Variants in TOX3 observed in about 807,000 individuals in gnomAD.
TOX3 encodes the protein TOX high mobility group box family member 3.
A neutral mutation model predicts 64.3 loss-of-function variants in TOX3; 22 were observed. The ratio of observed to expected loss-of-function variants is 0.34; its 90% CI spans 0.24 to 0.49. TOX3 has a LOEUF of 0.49. Ranked by LOEUF, TOX3 falls within the 20% of genes least tolerant of loss-of-function variation. The pLI is 0.99. For missense variants in TOX3, 661 were observed against 714.4 expected (o/e 0.93, Z 0.85); for synonymous variants, 291 against 273.6 (o/e 1.06, Z -0.63).
At chr16:52,531,957 T>C (rs1470167608) in intron 1 of TOX3, among the ~76,000 whole-genome samples, 1 of 152,136 alleles carries the variant, frequency 6.6e-6, no homozygotes, top group Non-Finnish European at 1.5e-5. Flanking sequence ...AAATTAATTT[T>C]GAAGTTTTGC....
chr16:52,447,855 G>T (rs1003744390), intron 4 of TOX3, among the ~76,000 whole-genome samples: 5 of 152,062 alleles, frequency 3.3e-5, no homozygotes, highest in Non-Finnish European at 7.4e-5. Flanking sequence ...TATTTTTCTA[G>T]TTGAGTCAAA....
intron 1 of TOX3, among the ~76,000 whole-genome samples, chr16:52,479,353 T>G (rs1367566598): frequency 6.6e-6 from 1 of 152,212 alleles, no homozygotes; most frequent in African/African-American, 2.4e-5. Flanking sequence ...GTATACACTG[T>G]GCTTAGGGGA....
At chr16:52,487,017 T>G (rs944986082) in intron 1 of TOX3, among the ~76,000 whole-genome samples, 2 of 152,016 alleles carry the variant, frequency 1.3e-5, no homozygotes, top group African/African-American at 4.8e-5. Context: ...AGGGGAAAAA[T>G]AATAAGCATT....
At chr16:52,479,100 G>A (rs1961297966) in intron 1 of TOX3, among the ~76,000 whole-genome samples, 1 of 152,216 alleles carries the variant, frequency 6.6e-6, no homozygotes, top group South Asian at 2.1e-4. Flanking sequence ...ACTACGTGGA[G>A]GAGGTATTTG....
chr16:52,464,038 A>T lies in TOX3; in HGVS notation c.304T>A (p.Phe102Ile). 1 of 1,602,444 alleles carries T rather than the reference A, an allele frequency of 6.2e-7. No individual in the cohort carries two copies. The highest frequency in any genetic ancestry group is 8.5e-7 in the Non-Finnish European group (1 of 1,174,848). The change falls in exon 3 of 7, where the codon TTC becomes ATC. Residue 102 changes from phenylalanine (F) to isoleucine (I), a missense_variant. Physicochemically the swap from Phe to Ile is conservative, Grantham distance 21. This residue lies in a region of TOX3 where 259 missense variants were observed against 261.2 expected (regional missense o/e 0.99). Coordinates refer to ENST00000219746, the MANE Select transcript of TOX3 (RefSeq NM_001080430.4). Reference sequence around the variant, plus strand: ...CTTTGAGGGGGAAACTGGGGTGTGAATTCACTTCCCTGGGAAGGCAATGGA... The same window carrying T: ...CTTTGAGGGGGAAACTGGGGTGTGATTTCACTTCCCTGGGAAGGCAATGGA... ...SDPLPSQGSEFTPQFPPQSLD... is the reference protein window; with the variant it reads ...SDPLPSQGSEITPQFPPQSLD...
At chr16:52,501,902 C>G (rs1962015411) in intron 1 of TOX3, among the ~76,000 whole-genome samples, 1 of 152,160 alleles carries the variant, frequency 6.6e-6, no homozygotes, top group African/African-American at 2.4e-5. Context: ...CTAAGATGGA[C>G]CCTTCTCACC....
chr16:52,490,469 C>G (rs1961649117), intron 1 of TOX3, among the ~76,000 whole-genome samples: 1 of 151,998 alleles, frequency 6.6e-6, no homozygotes, highest in African/African-American at 2.4e-5. Context: ...ATGGAAAATA[C>G]TGGAAAGCCT....
intron 3 of TOX3, among the ~76,000 whole-genome samples, chr16:52,461,781 G>A (rs1960698727): frequency 6.6e-6 from 1 of 152,066 alleles, no homozygotes; most frequent in Non-Finnish European, 1.5e-5. Flanking sequence ...CTTTCCTAAG[G>A]GAAATCTCTG....
chr16:52,455,593 T>C (rs1190655372), intron 3 of TOX3, among the ~76,000 whole-genome samples: 1 of 151,960 alleles, frequency 6.6e-6, no homozygotes, highest in Non-Finnish European at 1.5e-5. Flanking sequence ...AGAAAATAAA[T>C]AGGTTATACA....
chr16:52,505,705 A>G (rs993217847), intron 1 of TOX3, among the ~76,000 whole-genome samples: 1 of 152,202 alleles, frequency 6.6e-6, no homozygotes, highest in Non-Finnish European at 1.5e-5. Context: ...GGCTGGGTAC[A>G]GTAGCTCATG....
intron 5 of TOX3, chr16:52,444,989 C>T (rs1321925921): frequency 6.6e-6 from 1 of 152,182 alleles, no homozygotes; most frequent in Non-Finnish European, 1.5e-5. Flanking sequence ...TGGGCTTCTC[C>T]TTTTCCTAAG....
chr16:52,497,788 T>C (rs1363522772), intron 1 of TOX3, among the ~76,000 whole-genome samples: 3 of 152,188 alleles, frequency 2.0e-5, no homozygotes, highest in Non-Finnish European at 4.4e-5. Flanking sequence ...TTGTGTTTTT[T>C]TTAATGTTTA....
intron 1 of TOX3, among the ~76,000 whole-genome samples, chr16:52,476,898 C>T (rs969965461): frequency 6.6e-6 from 1 of 152,144 alleles, no homozygotes; most frequent in Non-Finnish European, 1.5e-5. Flanking sequence ...AACTCAGTGA[C>T]AAGTGGCTTG....
Position 52,457,972 on chromosome 16 carries a change from T to C in TOX3, c.408+5962A>G, listed in dbSNP as rs12598996. 5.3e-5 allele frequency among the ~76,000 whole-genome samples: 8 copies of C among 152,236 alleles called. No homozygotes were observed. In the East Asian group the frequency reaches 1.5e-3, roughly 29 times the overall value. ...GCAAAATAAAATTTTCAAGAGTTTA[T>C]TATGAACACTTAATGGTAGTTTACT... On this transcript the variant is annotated intron_variant, in intron 3 of 6. Coordinates refer to ENST00000219746, the MANE Select transcript of TOX3 (RefSeq NM_001080430.4).
chr16:52,515,011 CAAAAAAAAAAAA>C (rs56746564), intron 1 of TOX3, among the ~76,000 whole-genome samples: 3 of 15,832 alleles, frequency 1.9e-4, no homozygotes, highest in African/African-American at 1.8e-4. Flanking sequence ...GACTCCATCT[CAAAAAAAAAAAA>C]AAAAAAAAAA....
At chr16:52,540,023 C>T (rs1289504084) in intron 1 of TOX3, among the ~76,000 whole-genome samples, 1 of 152,054 alleles carries the variant, frequency 6.6e-6, no homozygotes, top group South Asian at 2.1e-4. Flanking sequence ...CTACACCATT[C>T]TACTCAAAAG....
In TOX3 at chr16:52,438,411, T is replaced by C. The variant is rs1465020551; in HGVS notation, c.*814A>G. On this transcript the variant is annotated 3_prime_UTR_variant, in exon 7 of 7. Transcript: ENST00000219746. ...CTTTTTCTTTTTAAATCTTAACTTTTGTAATAACTGTTTTCATTTAAGTGC... is the reference window on the plus strand; with the variant it reads ...CTTTTTCTTTTTAAATCTTAACTTTCGTAATAACTGTTTTCATTTAAGTGC... 6.5e-6 allele frequency: 1 copy of C among 152,686 alleles called. No homozygotes were observed. The highest frequency in any genetic ancestry group is 2.4e-5 in the African/African-American group (1 of 41,468). 9.5% of individuals were successfully genotyped at this position (152,686 alleles called of 1,614,324 possible). A position where few individuals can be genotyped will look rare whatever the true frequency, so the allele number is the denominator to read the frequency against.
At position 52,488,381 on chromosome 16, in the gene TOX3, T is replaced by C. The variant is rs1265663145; in HGVS notation, c.88-19807A>G. Among the ~76,000 whole-genome samples the C allele has an allele frequency of 2.6e-5, 4 of 152,186 alleles. No individual in the cohort carries two copies. The East Asian group carries it at 7.7e-4, about 29-fold the overall frequency. ...TTTCTATCTCTTTTTATGACACAGC[T>C]TGTGTTGATAATGGTTAATTCTTCC... On this transcript the variant is annotated intron_variant, in intron 1 of 6. Transcript: ENST00000219746.
chr16:52,516,563 T>C (rs1962463542), intron 1 of TOX3, among the ~76,000 whole-genome samples: 1 of 152,238 alleles, frequency 6.6e-6, no homozygotes, highest in South Asian at 2.1e-4. Flanking sequence ...CATTTCCTTA[T>C]TCTACTGATA....
Sources: allele counts gnomAD v4.1 joint callset (sites outside exome capture counted in the v4.1 genomes callset), GRCh38; gene constraint gnomAD v4.1.1; regional missense constraint gnomAD v4.1.1; transcripts MANE v1.5; gene names NCBI Gene and HGNC (gene_info 2026-07-23, HGNC 2026-07-21).